The following PCDHA2 variants were observed in gnomAD, a reference collection of about 807,000 sequenced individuals.
PCDHA2 encodes protocadherin alpha-2.
Under a neutral mutation model 66.0 loss-of-function variants are expected in PCDHA2, and 58 were observed. That is an observed-to-expected ratio of 0.88 (90% CI 0.71 to 1.09). The LOEUF (loss-of-function observed/expected upper bound fraction) is 1.09. Ranked by LOEUF, PCDHA2 falls within the 50% of genes least tolerant of loss-of-function variation. The probability of loss-of-function intolerance (pLI) is 0.00; values close to 1 mark genes in which losing one functional copy is unlikely to be tolerated. For synonymous variants in PCDHA2, 634 were observed against 554.0 expected, an observed-to-expected ratio of 1.14 and a Z score of -2.03; for missense variants, 1,267 against 1,242.3, an observed-to-expected ratio of 1.02 and a Z score of -0.30.
intron 1 of PCDHA2, chr5:140,966,642 GA>G (rs1563353190): frequency 3.1e-5 from 35 of 1,117,790 alleles, no homozygotes; most frequent in Non-Finnish European, 4.1e-5. Context: ...GCGCTTTCTA[GA>G]GCGTGAGCGG....
chr5:140,924,008 C>T lies in PCDHA2; in HGVS notation c.2389-54941C>T, dbSNP rs75028295. On this transcript the variant is annotated intron_variant, in intron 1 of 3. Coordinates refer to ENST00000526136, the MANE Select transcript of PCDHA2 (RefSeq NM_018905.3). ...TAGGTGCAGCTCAGAATTCCTAAAC[C>T]TGGTATAATTGGAGGCATGGCTGCA... 7.8e-3 allele frequency among the ~76,000 whole-genome samples: 1,191 copies of T among 152,262 alleles called. 21 individuals are homozygous for T. The highest frequency in any genetic ancestry group is 0.026 in the African/African-American group (1,098 of 41,552).
At chr5:140,836,055 G>T in intron 1 of PCDHA2, 1 of 1,613,604 alleles carries the variant, frequency 6.2e-7, no homozygotes, top group Non-Finnish European at 8.5e-7. Context: ...CGTGCTGGAC[G>T]AGAACGACAA....
At chr5:140,916,263 C>A (rs541005754) in intron 1 of PCDHA2, among the ~76,000 whole-genome samples, 43 of 152,316 alleles carry the variant, frequency 2.8e-4, no homozygotes, top group African/African-American at 1.0e-3. Flanking sequence ...ACCCCAAGAG[C>A]ATGCTTGTTG....
chr5:140,928,513 A>AT (rs1563106002), intron 1 of PCDHA2: 1 of 1,614,182 alleles, frequency 6.2e-7, no homozygotes, highest in South Asian at 1.1e-5. Flanking sequence ...AACAGTGACT[A>AT]TAAACTTGTT....
At chr5:140,877,002 G>A (rs374546473) in intron 1 of PCDHA2, 96 of 1,612,426 alleles carry the variant, frequency 6.0e-5, no homozygotes, top group Non-Finnish European at 8.0e-5. Flanking sequence ...ACGTGTCGGT[G>A]CACGCGGAGA....
intron 1 of PCDHA2, among the ~76,000 whole-genome samples, chr5:140,895,223 G>A (rs782692616): frequency 4.0e-4 from 61 of 152,232 alleles, no homozygotes; most frequent in Admixed American, 2.6e-4. Flanking sequence ...ATATTTTACT[G>A]AGTTTTCTCA....
chr5:140,823,659 C>T (rs1562273954), intron 1 of PCDHA2: 1 of 1,613,866 alleles, frequency 6.2e-7, no homozygotes, highest in Non-Finnish European at 8.5e-7. Flanking sequence ...TGTACACAGG[C>T]GAGATCAGCA....
At chr5:140,829,720 G>A (rs1554132185) in intron 1 of PCDHA2, 5 of 1,613,502 alleles carry the variant, frequency 3.1e-6, no homozygotes, top group African/African-American at 1.3e-5. Context: ...CGGGCGTGCC[G>A]CCTCTGGGCA....
At chr5:140,989,325 G>A (rs1389327103) in intron 3 of PCDHA2, among the ~76,000 whole-genome samples, 5 of 152,164 alleles carry the variant, frequency 3.3e-5, no homozygotes, top group African/African-American at 1.2e-4. Flanking sequence ...CACCAACTTT[G>A]CCACCTGACT....
Position 140,823,914 on chromosome 5 carries a change from G to T in PCDHA2, c.2388+26562G>T, listed in dbSNP as rs151078612. 1.2e-5 allele frequency: 20 copies of T among 1,613,874 alleles called. No individual in the cohort carries two copies. In the African/African-American group the frequency reaches 2.0e-4, roughly 16 times the overall value. Reference sequence around the variant, plus strand: ...CGGTGTCCAGCCTGCTGGTGCTCACGCTGCTGCTGTACACCGCGCTGCGGT... The same window carrying T: ...CGGTGTCCAGCCTGCTGGTGCTCACTCTGCTGCTGTACACCGCGCTGCGGT... On this transcript the variant is annotated intron_variant, in intron 1 of 3. Coordinates refer to ENST00000526136, the MANE Select transcript of PCDHA2 (RefSeq NM_018905.3).
At chr5:140,809,651 T>C in intron 1 of PCDHA2, 4 of 1,495,674 alleles carry the variant, frequency 2.7e-6, no homozygotes, top group Non-Finnish European at 3.6e-6. Flanking sequence ...TTTCTAAGAG[T>C]CAAATTTCCC....
At chr5:140,808,652 C>A in intron 1 of PCDHA2, 1 of 1,613,260 alleles carries the variant, frequency 6.2e-7, no homozygotes, top group Non-Finnish European at 8.5e-7. Context: ...GGAGAACGCG[C>A]TGGTGTCCTA....
At chr5:140,798,468 T>C (rs1241782681) in intron 1 of PCDHA2, among the ~76,000 whole-genome samples, 1 of 152,196 alleles carries the variant, frequency 6.6e-6, no homozygotes, top group Admixed American at 6.5e-5. Context: ...GGTGGGACTT[T>C]TTCTTCATTT....
chr5:140,797,257 C>T lies in PCDHA2; in HGVS notation c.2293C>T (p.Pro765Ser). ...GAGGGTGTGCTCTGGGGAGGACCCC[C>T]CCAAGACGGACCTCATGGCCTTCAG... ...RQRVCSGEDP[P>S]KTDLMAFSPS... The change falls in exon 1 of 4, where the codon CCC (proline) becomes TCC (serine). Residue 765 changes from proline to serine, a missense_variant. By Grantham distance (74) the Pro-to-Ser change is moderately conservative. Coordinates refer to ENST00000526136, the MANE Select transcript of PCDHA2 (RefSeq NM_018905.3). 1 of 1,614,214 alleles carries T rather than the reference C, an allele frequency of 6.2e-7. No homozygotes were observed. Among genetic ancestry groups the T allele is most frequent in the Non-Finnish European group, 8.5e-7 (1 of 1,180,044 alleles).
intron 1 of PCDHA2, chr5:140,857,533 G>T: frequency 6.3e-7 from 1 of 1,597,578 alleles, no homozygotes. Flanking sequence ...CTCTGGTGGA[G>T]CGGCGGTTGG....
chr5:140,953,464 T>C (rs2094890309), intron 1 of PCDHA2, among the ~76,000 whole-genome samples: 1 of 152,142 alleles, frequency 6.6e-6, no homozygotes. Flanking sequence ...GTCAGAGTTT[T>C]AACTTCCTCA....
intron 1 of PCDHA2, chr5:140,828,594 TA>T: frequency 6.2e-7 from 1 of 1,614,242 alleles, no homozygotes; most frequent in Non-Finnish European, 8.5e-7. Flanking sequence ...AATTCCATCT[TA>T]ACCTATAAAC....
chr5:140,856,653 A>G (rs2044134498), intron 1 of PCDHA2: 1 of 1,598,162 alleles, frequency 6.3e-7, no homozygotes, highest in Admixed American at 1.7e-5. Flanking sequence ...CTGGATCGTG[A>G]AGAAAATCCT....
chr5:140,910,608 C>A (rs1161072744), intron 1 of PCDHA2, among the ~76,000 whole-genome samples: 3 of 152,208 alleles, frequency 2.0e-5, no homozygotes, highest in Non-Finnish European at 2.9e-5. Context: ...TCTAAACTGA[C>A]TAATCCACTC....
Sources: gnomAD v4.1 joint callset for allele counts (sites outside exome capture counted in the v4.1 genomes callset) on GRCh38, gnomAD v4.1.1 for gene constraint, MANE v1.5 for transcripts, NCBI Gene and HGNC (gene_info 2026-07-23, HGNC 2026-07-21) for gene names.